Variants in PHF8 observed in about 807,000 individuals in gnomAD.
The protein encoded by PHF8 is PHD finger protein 8, also known as histone lysine demethylase PHF8.
PHF8 carries 9 observed loss-of-function variants against 74.4 expected under a neutral mutation model. The observed-to-expected ratio is 0.12, with a 90% CI of 0.07 to 0.21. PHF8 has a LOEUF of 0.21. Among genes scored for constraint, PHF8 ranks in the 10% least tolerant of loss-of-function variants. The pLI, the probability that PHF8 is intolerant of heterozygous loss-of-function variation, is 1.00. For synonymous variants in PHF8, 311 were observed against 316.6 expected, an observed-to-expected ratio of 0.98 and a Z score of 0.19; for missense variants, 478 against 816.6, an observed-to-expected ratio of 0.59 and a Z score of 5.05.
intron 16 of PHF8, among the ~76,000 whole-genome samples, chrX:53,986,315 C>T (rs1328637111): frequency 1.6e-4 from 18 of 112,691 alleles, no homozygotes; most frequent in African/African-American, 5.8e-4. Flanking sequence ...GATCTCGGCT[C>T]GCTGCAACCT....
intron 7 of PHF8, 93 bp from the exon 8 acceptor site, chrX:54,011,377 C>T: frequency 1.4e-6 from 1 of 715,703 alleles, no homozygotes; most frequent in Non-Finnish European, 2.2e-6. Context: ...TCCCATGCTC[C>T]AAAACGATGG....
At chrX:53,996,158 C>G (rs1557102808) in intron 11 of PHF8, among the ~76,000 whole-genome samples, 1 of 110,249 alleles carries the variant, frequency 9.1e-6, no homozygotes, top group African/African-American at 3.3e-5. Context: ...CTATTGTTGC[C>G]CAGGCTGAAG....
intron 19 of PHF8, among the ~76,000 whole-genome samples, chrX:53,959,921 A>G (rs1403089705): frequency 1.9e-5 from 2 of 107,929 alleles, no homozygotes; most frequent in Non-Finnish European, 3.8e-5. Flanking sequence ...GGAGAAATAG[A>G]CTTCATAAAC....
At chrX:54,024,840 T>TATG (rs2066239468) in intron 2 of PHF8, among the ~76,000 whole-genome samples, 1 of 112,187 alleles carries the variant, frequency 8.9e-6, no homozygotes, top group African/African-American at 3.2e-5. Context: ...TTGTCTTTTA[T>TATG]ATGTCTTTTG....
At chrX:54,021,581 G>A (rs1207327270) in intron 4 of PHF8, among the ~76,000 whole-genome samples, 1 of 97,039 alleles carries the variant, frequency 1.0e-5, no homozygotes, top group Non-Finnish European at 2.0e-5. Context: ...CCATTCTCCT[G>A]CCTCAGCCTC....
At chrX:53,979,945 C>T (rs782062220) in intron 18 of PHF8, among the ~76,000 whole-genome samples, 8 of 111,078 alleles carry the variant, frequency 7.2e-5, no homozygotes, top group Non-Finnish European at 1.5e-4. Flanking sequence ...GCCAAAATTG[C>T]GCCACTACAC....
intron 2 of PHF8, among the ~76,000 whole-genome samples, chrX:54,028,129 A>G (rs2066299069): frequency 9.0e-6 from 1 of 111,061 alleles, no homozygotes; most frequent in Non-Finnish European, 1.9e-5. Flanking sequence ...GTAAGGGAGC[A>G]AGCCCCTCAT....
intron 18 of PHF8, among the ~76,000 whole-genome samples, chrX:53,973,009 A>C (rs1557095047): frequency 9.0e-6 from 1 of 111,651 alleles, no homozygotes; most frequent in African/African-American, 3.3e-5. Context: ...AACAACAGAC[A>C]AGCAGAGAGC....
upstream of PHF8, chrX:54,044,784 T>G (rs996236729): frequency 3.0e-4 from 218 of 723,464 alleles, no homozygotes; most frequent in Non-Finnish European, 4.0e-4. Flanking sequence ...TCTCCTCCTA[T>G]GAGAGGAGGT....
intron 18 of PHF8, among the ~76,000 whole-genome samples, chrX:53,976,783 G>T (rs2065385536): frequency 9.1e-6 from 1 of 110,166 alleles, no homozygotes; most frequent in South Asian, 3.8e-4. Flanking sequence ...AAGGGAAAAG[G>T]GGGATATCAC....
rs782105080 is a variant in PHF8 at position 53,985,952 on chromosome X, G to A, written c.1996-3C>T. On this transcript the variant is annotated splice_region_variant and splice_polypyrimidine_tract_variant and intron_variant, in intron 16 of 21. Transcript: ENST00000338154. ...TCCTCATCTGTTGTATAGTCCTCCTGTTGGAGAGAGAGTGTATCACCTCAG... is the reference window on the plus strand; with the variant it reads ...TCCTCATCTGTTGTATAGTCCTCCTATTGGAGAGAGAGTGTATCACCTCAG... 8.3e-5 allele frequency: 100 copies of A among 1,207,885 alleles called. No individual in the cohort carries two copies. The highest frequency in any genetic ancestry group is 4.7e-4 in the Middle Eastern group (2 of 4,239).
At chrX:54,038,790 CT>C (rs1732725671) in intron 2 of PHF8, among the ~76,000 whole-genome samples, 1 of 111,556 alleles carries the variant, frequency 9.0e-6, no homozygotes, top group African/African-American at 3.3e-5. Context: ...CAAAAAGTAA[CT>C]TGGCATTATA....
chrX:53,993,187 T>C lies in PHF8; in HGVS notation c.1627-348A>G, dbSNP rs782364451. On this transcript the variant is annotated intron_variant, in intron 13 of 21. Coordinates refer to ENST00000338154, the MANE Select transcript of PHF8 (RefSeq NM_015107.3). The stretch of plus-strand genomic sequence containing the variant: ...AGACTACAACCTGACACACGCAATG[T>C]TTTCAAATCTCATTCCCGTCCCAGC... Among the ~76,000 whole-genome samples, 5 of 111,268 alleles carry C rather than the reference T, an allele frequency of 4.5e-5. No homozygotes were observed. The Admixed American group carries it at 4.8e-4, about 11-fold the overall frequency.
chrX:53,971,980 T>G (rs782596292), intron 18 of PHF8, among the ~76,000 whole-genome samples: 82 of 111,519 alleles, frequency 7.4e-4, no homozygotes, highest in African/African-American at 2.5e-3. Context: ...TAACTCATTT[T>G]ATGAGGCCAG....
chrX:53,982,742 C>T (rs782704354), intron 18 of PHF8, among the ~76,000 whole-genome samples: 75 of 112,179 alleles, frequency 6.7e-4, no homozygotes, highest in Admixed American at 5.9e-3. Context: ...GAAATGACTA[C>T]TGATGTGGAA....
At chrX:53,969,649 G>A (rs2149806849) in intron 18 of PHF8, among the ~76,000 whole-genome samples, 1 of 112,205 alleles carries the variant, frequency 8.9e-6, no homozygotes, top group East Asian at 2.8e-4. Flanking sequence ...AACTGCAAAA[G>A]ATGCCAAATA....
intron 18 of PHF8, among the ~76,000 whole-genome samples, chrX:53,966,150 G>A (rs887969038): frequency 8.9e-6 from 1 of 112,130 alleles, no homozygotes; most frequent in Non-Finnish European, 1.9e-5. Flanking sequence ...TCAAAGAGGA[G>A]ATCCCACAGG....
chrX:54,009,848 A>G (rs1557106312), intron 8 of PHF8, among the ~76,000 whole-genome samples: 2 of 70,755 alleles, frequency 2.8e-5, no homozygotes, highest in Non-Finnish European at 4.7e-5. Context: ...GTCTCAGAAA[A>G]AAAAAAAAAA....
intron 20 of PHF8, 146 bp downstream of exon 20, chrX:53,943,988 C>A (rs782405875): frequency 4.1e-6 from 2 of 485,970 alleles, no homozygotes; most frequent in Non-Finnish European, 7.4e-6. Context: ...TAAGAGGGGG[C>A]TGGGATACTG....
Sources: gnomAD v4.1 joint callset for allele counts (sites outside exome capture counted in the v4.1 genomes callset) on GRCh38, gnomAD v4.1.1 for gene constraint, MANE v1.5 for transcripts, NCBI Gene and HGNC (gene_info 2026-07-23, HGNC 2026-07-21) for gene names.